TRPC5: variants seen among roughly 807,000 people sequenced by gnomAD.
TRPC5 encodes transient receptor potential cation channel subfamily C member 5, also known as short transient receptor potential channel 5.
In TRPC5, 9 loss-of-function variants were observed where a neutral mutation model predicts 56.5. The observed-to-expected ratio is 0.16, with a 90% CI of 0.10 to 0.28. TRPC5 has a LOEUF of 0.28. Ranked by LOEUF, TRPC5 falls within the 10% of genes least tolerant of loss-of-function variation. The probability of loss-of-function intolerance (pLI) is 1.00; values close to 1 mark genes in which losing one functional copy is unlikely to be tolerated. For missense variants in TRPC5, 469 were observed against 748.9 expected, an observed-to-expected ratio of 0.63 and a Z score of 4.36; for synonymous variants, 282 against 278.5, an observed-to-expected ratio of 1.01 and a Z score of -0.13.
intron 1 of TRPC5, among the ~76,000 whole-genome samples, chrX:111,990,948 T>C: frequency 8.9e-6 from 1 of 112,572 alleles, no homozygotes; most frequent in Middle Eastern, 4.6e-3. Flanking sequence ...GCAGAACTGC[T>C]TTATCTTTGA....
At chrX:111,801,478 A>G (rs1656685503) in intron 7 of TRPC5, among the ~76,000 whole-genome samples, 1 of 112,045 alleles carries the variant, frequency 8.9e-6, no homozygotes, top group Admixed American at 9.5e-5. Context: ...ATTGTTTCCC[A>G]AAGTGGCTAT....
intron 7 of TRPC5, among the ~76,000 whole-genome samples, chrX:111,800,409 A>G (rs928679372): frequency 6.3e-5 from 7 of 111,774 alleles, no homozygotes; most frequent in South Asian, 7.6e-4. Context: ...AGGAGGGTGG[A>G]TCACGAGGTC....
chrX:111,968,765 A>T (rs1298241043), intron 1 of TRPC5, among the ~76,000 whole-genome samples: 2 of 95,417 alleles, frequency 2.1e-5, no homozygotes, highest in African/African-American at 7.8e-5. Context: ...CATAGGTGGG[A>T]ACTGAACAAT....
intron 5 of TRPC5, among the ~76,000 whole-genome samples, 193 bp from the exon 6 acceptor site, chrX:111,847,629 C>T (rs1315963080): frequency 8.9e-6 from 1 of 111,825 alleles, no homozygotes; most frequent in Non-Finnish European, 1.9e-5. Flanking sequence ...TAACAACTCT[C>T]TTCCTCCCAC....
At chrX:112,008,331 C>T (rs1274926936) in intron 1 of TRPC5, among the ~76,000 whole-genome samples, 1 of 111,862 alleles carries the variant, frequency 8.9e-6, no homozygotes, top group Non-Finnish European at 1.9e-5. Context: ...GTGGCTCATG[C>T]CTGTAATCCC....
intron 3 of TRPC5, chrX:111,903,867 A>G (rs1262913714): frequency 2.7e-5 from 3 of 112,310 alleles, no homozygotes; most frequent in African/African-American, 9.7e-5. Context: ...CTTATGTGTG[A>G]TGATTACTGC....
chrX:111,991,504 T>A (rs1420708136), intron 1 of TRPC5, among the ~76,000 whole-genome samples: 2 of 106,733 alleles, frequency 1.9e-5, no homozygotes, highest in African/African-American at 3.8e-5. Flanking sequence ...CAGATGTTCA[T>A]ACAATCCTTC....
chrX:111,967,006 G>A (rs1927608630), intron 1 of TRPC5, among the ~76,000 whole-genome samples: 1 of 111,329 alleles, frequency 9.0e-6, no homozygotes, highest in Non-Finnish European at 1.9e-5. Context: ...AGGAAATAAA[G>A]GGTATTCAAT....
chrX:111,846,693 G>C (rs1167990111), intron 6 of TRPC5, among the ~76,000 whole-genome samples: 2 of 112,035 alleles, frequency 1.8e-5, no homozygotes, highest in Admixed American at 1.9e-4. Flanking sequence ...ATCCTTCCTT[G>C]ATTCACAATA....
chrX:111,960,106 G>A (rs1007642279), intron 1 of TRPC5, among the ~76,000 whole-genome samples: 2 of 112,003 alleles, frequency 1.8e-5, no homozygotes, highest in Admixed American at 9.5e-5. Flanking sequence ...TGTGGCTCAC[G>A]GTTACTGTAC....
At chrX:111,934,930 A>G (rs1285102681) in intron 2 of TRPC5, among the ~76,000 whole-genome samples, 1 of 112,459 alleles carries the variant, frequency 8.9e-6, no homozygotes, top group Non-Finnish European at 1.9e-5. Context: ...TGCAATAAAT[A>G]TGGAAGTGAA....
At chrX:112,050,035 G>A (rs1930173959) in intron 1 of TRPC5, among the ~76,000 whole-genome samples, 3 of 111,773 alleles carry the variant, frequency 2.7e-5, no homozygotes, top group Non-Finnish European at 3.8e-5. Flanking sequence ...AATTAGCTGG[G>A]CGTGGTGGTG....
intron 2 of TRPC5, among the ~76,000 whole-genome samples, chrX:111,940,150 A>T (rs1368596213): frequency 8.9e-6 from 1 of 111,865 alleles, no homozygotes; most frequent in African/African-American, 3.2e-5. Flanking sequence ...ATGTATCTCA[A>T]GATAGGAGCT....
chrX:112,017,641 G>A (rs1929163895), intron 1 of TRPC5, among the ~76,000 whole-genome samples: 1 of 110,986 alleles, frequency 9.0e-6, no homozygotes, highest in Admixed American at 9.7e-5. Context: ...GTTGGGCCTT[G>A]GACCTTGGGG....
At chrX:111,805,288 T>A (rs1921464269) in intron 7 of TRPC5, among the ~76,000 whole-genome samples, 1 of 112,145 alleles carries the variant, frequency 8.9e-6, no homozygotes, top group Non-Finnish European at 1.9e-5. Context: ...TCAATGTTCA[T>A]CAGGGATATT....
At chrX:112,034,350 G>A (rs73266337) in intron 1 of TRPC5, among the ~76,000 whole-genome samples, 3,921 of 101,117 alleles carry the variant, frequency 0.039, 78 homozygotes, top group Non-Finnish European at 0.061. Flanking sequence ...TATAACACTT[G>A]CACCTCTTTT....
chrX:111,793,068 G>GGGA, intron 7 of TRPC5, among the ~76,000 whole-genome samples: 1 of 111,177 alleles, frequency 9.0e-6, no homozygotes, highest in Non-Finnish European at 1.9e-5. Flanking sequence ...AGTCATCAAT[G>GGGA]GTAAGCAGAA....
At chrX:112,053,001 G>A (rs1028395894) in intron 1 of TRPC5, among the ~76,000 whole-genome samples, 3 of 111,681 alleles carry the variant, frequency 2.7e-5, no homozygotes, top group Non-Finnish European at 5.6e-5. Context: ...TTTATGAAAA[G>A]TTCTAAATAA....
chrX:112,080,397 C>A (rs1274631011), intron 1 of TRPC5, among the ~76,000 whole-genome samples: 2 of 62,555 alleles, frequency 3.2e-5, no homozygotes, highest in Admixed American at 1.5e-4. Context: ...AAACTACATA[C>A]ACACACACAC....
Sources: gnomAD v4.1 joint callset for allele counts (sites outside exome capture counted in the v4.1 genomes callset) on GRCh38, gnomAD v4.1.1 for gene constraint, MANE v1.5 for transcripts, NCBI Gene and HGNC (gene_info 2026-07-23, HGNC 2026-07-21) for gene names.